The following SCN9A variants were observed in gnomAD, a reference collection of about 807,000 sequenced individuals.
SCN9A encodes sodium channel protein type 9 subunit alpha.
Under a neutral mutation model 187.0 loss-of-function variants are expected in SCN9A, and 131 were observed. The observed-to-expected ratio is 0.70, with a 90% CI of 0.61 to 0.81. The LOEUF is 0.81. SCN9A is among the 30% of genes least tolerant of loss of function. SCN9A has a pLI of 0.00. For missense variants in SCN9A, 2,252 were observed against 2,396.6 expected (o/e 0.94, Z 1.26); for synonymous variants, 809 against 808.6 (o/e 1.00, Z -0.01).
At chr2:166,224,398 TAGTC>T (rs139460967) in intron 24 of SCN9A, among the ~76,000 whole-genome samples, 3,161 of 152,268 alleles carry the variant, frequency 0.021, 120 homozygotes, top group African/African-American at 0.073. Context: ...TACTTGCAAA[TAGTC>T]AATCATGCAC....
chr2:166,264,804 T>C (rs1456323335), intron 17 of SCN9A, among the ~76,000 whole-genome samples: 1 of 151,904 alleles, frequency 6.6e-6, no homozygotes, highest in East Asian at 1.9e-4. Flanking sequence ...TTTTTCCCCT[T>C]GCTCAAAATG....
At chr2:166,306,445 C>A (rs571046788) in intron 4 of SCN9A, 65 bp downstream of exon 4, 3 of 910,618 alleles carry the variant, frequency 3.3e-6, no homozygotes, top group South Asian at 1.4e-5. Flanking sequence ...AACTTCCTGG[C>A]AGGAAAAGGA....
Position 166,344,438 on chromosome 2 carries a change from A to G in SCN9A, c.-51+31259T>C, listed in dbSNP as rs1226077706. Among the ~76,000 whole-genome samples, 3 of 152,200 alleles carry G rather than the reference A, an allele frequency of 2.0e-5. No individual in the cohort carries two copies. In the East Asian group the frequency reaches 5.8e-4, roughly 29 times the overall value. Reference sequence around the variant, plus strand: ...AAAGAAAAGCCTTTGATGAAACAGCATCTTACGAAACTAAGGACTTGTAAT... The same window carrying G: ...AAAGAAAAGCCTTTGATGAAACAGCGTCTTACGAAACTAAGGACTTGTAAT... On this transcript the variant is annotated intron_variant, in intron 1 of 26. Coordinates refer to ENST00000642356, the MANE Select transcript of SCN9A (RefSeq NM_001365536.1).
intron 17 of SCN9A, 90 bp from the exon 18 acceptor site, chr2:166,251,975 C>T: frequency 7.0e-7 from 1 of 1,425,838 alleles, no homozygotes; most frequent in Non-Finnish European, 9.7e-7. Flanking sequence ...CAGACTCATG[C>T]AAAGTATTAT....
At position 166,311,578 on chromosome 2, in the gene SCN9A, G is replaced by A; in HGVS notation, c.179C>T (p.Pro60Leu). 1.2e-6 allele frequency: 2 copies of A among 1,613,166 alleles called. No individual in the cohort carries two copies. Among genetic ancestry groups the A allele is most frequent in the Non-Finnish European group, 1.7e-6 (2 of 1,179,710 alleles). The change falls in exon 2 of 27, where the codon CCC (proline) becomes CTC (leucine). Residue 60 changes from proline (P) to leucine (L), a missense_variant. Pro to Leu is a moderately conservative substitution (Grantham distance 98). Coordinates refer to ENST00000642356, the MANE Select transcript of SCN9A (RefSeq NM_001365536.1). Reference sequence around the variant, plus strand: ...GGGAGGAATGTCCCCATAGATGAAGGGCAGCTGTTTGCCAGCTTCCAAGTC... The same window carrying A: ...GGGAGGAATGTCCCCATAGATGAAGAGCAGCTGTTTGCCAGCTTCCAAGTC... ...SSDLEAGKQL[P>L]FIYGDIPPGM...
intron 7 of SCN9A, among the ~76,000 whole-genome samples, chr2:166,295,162 C>T (rs1373091147): frequency 1.3e-5 from 2 of 152,080 alleles, no homozygotes; most frequent in Non-Finnish European, 2.9e-5. Flanking sequence ...AACTAAAGCC[C>T]TAAGGCAGAG....
chr2:166,374,653 A>C (rs1700646044), intron 1 of SCN9A, among the ~76,000 whole-genome samples: 1 of 152,252 alleles, frequency 6.6e-6, no homozygotes, highest in Middle Eastern at 3.4e-3. Context: ...ATATATTTAA[A>C]TAACAAGGAA....
chr2:166,293,495 A>C, intron 8 of SCN9A, 123 bp from the exon 9 acceptor site: 1 of 811,792 alleles, frequency 1.2e-6, no homozygotes, highest in Non-Finnish European at 1.8e-6. Context: ...AAGGATTAAG[A>C]ATACATGATT....
intron 7 of SCN9A, chr2:166,302,186 T>C (rs1698582745): frequency 4.1e-5 from 6 of 145,208 alleles, no homozygotes; most frequent in African/African-American, 1.7e-4. Flanking sequence ...TATTAAGATT[T>C]ATGTATTCAC....
At chr2:166,357,151 C>G (rs1700169039) in intron 1 of SCN9A, among the ~76,000 whole-genome samples, 1 of 152,096 alleles carries the variant, frequency 6.6e-6, no homozygotes, top group Non-Finnish European at 1.5e-5. Context: ...GTGTGTTGTT[C>G]CCACCTATGT....
chr2:166,367,141 T>G (rs1177508396), intron 1 of SCN9A, among the ~76,000 whole-genome samples: 3 of 152,248 alleles, frequency 2.0e-5, no homozygotes, highest in Non-Finnish European at 4.4e-5. Context: ...CACCATCATC[T>G]TATCCTGCAC....
rs768899659 is a variant in SCN9A at position 166,233,361 on chromosome 2, T to C, written c.3903A>G (p.Leu1301=). Residue 1301 remains leucine, a synonymous_variant, in exon 21 of 27, where the codon TTA becomes TTG. Coordinates refer to ENST00000642356, the MANE Select transcript of SCN9A (RefSeq NM_001365536.1). Reference sequence around the variant, plus strand: ...TTACCCTCATTCCTTCAAATCTAGATAAGGCTCTTAGAGGTCTTAAAGCTC... The same window carrying C: ...TTACCCTCATTCCTTCAAATCTAGACAAGGCTCTTAGAGGTCTTAAAGCTC... The part of the protein sequence containing the change: ...TLRALRPLRA[L]SRFEGMRVVV... The C allele has an allele frequency of 2.6e-6, 4 of 1,552,040 alleles. No homozygotes were observed. Among genetic ancestry groups the C allele is most frequent in the Non-Finnish European group, 3.5e-6 (4 of 1,154,944 alleles).
chr2:166,355,356 T>C (rs978097777), intron 1 of SCN9A, among the ~76,000 whole-genome samples: 2 of 152,146 alleles, frequency 1.3e-5, no homozygotes, highest in Non-Finnish European at 2.9e-5. Flanking sequence ...GTATAGTCAT[T>C]TAAAAAAAAA....
At chr2:166,261,508 T>C (rs750876767) in intron 17 of SCN9A, among the ~76,000 whole-genome samples, 3 of 151,848 alleles carry the variant, frequency 2.0e-5, no homozygotes, top group Non-Finnish European at 2.9e-5. Context: ...GGCATTAATA[T>C]AGAAGAAAAA....
intron 1 of SCN9A, among the ~76,000 whole-genome samples, chr2:166,345,140 C>CA (rs1699870108): frequency 6.6e-6 from 1 of 151,550 alleles, no homozygotes; most frequent in Non-Finnish European, 1.5e-5. Context: ...GGAAGGGTAG[C>CA]AAAAAAATGA....
chr2:166,353,655 G>T (rs1281740623), intron 1 of SCN9A, among the ~76,000 whole-genome samples: 1 of 152,096 alleles, frequency 6.6e-6, no homozygotes, highest in Non-Finnish European at 1.5e-5. Context: ...AATACCTCTT[G>T]TATGAAAAGA....
At chr2:166,262,858 A>G (rs1165236407) in intron 17 of SCN9A, among the ~76,000 whole-genome samples, 2 of 151,944 alleles carry the variant, frequency 1.3e-5, no homozygotes, top group Non-Finnish European at 2.9e-5. Flanking sequence ...CTTCTTTTGC[A>G]TCCACCTCTC....
intron 1 of SCN9A, among the ~76,000 whole-genome samples, chr2:166,354,817 C>T (rs1700114768): frequency 6.6e-6 from 1 of 151,982 alleles, no homozygotes; most frequent in Non-Finnish European, 1.5e-5. Context: ...GAAAGTTGCA[C>T]ATGTGACTAA....
At chr2:166,199,953 C>G (rs370249829) in intron 26 of SCN9A, 89 bp from the exon 27 acceptor site, 1 of 348,590 alleles carries the variant, frequency 2.9e-6, no homozygotes, top group South Asian at 3.4e-5. Flanking sequence ...TCTGTCAACT[C>G]ATTTCTTATG....
Sources: gnomAD v4.1 joint callset for allele counts (sites outside exome capture counted in the v4.1 genomes callset) on GRCh38, gnomAD v4.1.1 for gene constraint, MANE v1.5 for transcripts, NCBI Gene and HGNC (gene_info 2026-07-23, HGNC 2026-07-21) for gene names.